AUTS2: variants seen among roughly 807,000 people sequenced by gnomAD.
AUTS2 encodes the protein activator of transcription and developmental regulator AUTS2, also known as autism susceptibility gene 2 protein.
A neutral mutation model predicts 112.4 loss-of-function variants in AUTS2; 17 were observed. The observed-to-expected ratio is 0.15, with a 90% confidence interval of 0.10 to 0.23. The LOEUF (loss-of-function observed/expected upper bound fraction) is 0.23. Among genes scored for constraint, AUTS2 ranks in the 10% least tolerant of loss-of-function variants. The probability of loss-of-function intolerance (pLI) is 1.00; values close to 1 mark genes in which losing one functional copy is unlikely to be tolerated. For synonymous variants in AUTS2, 751 were observed against 702.7 expected, an observed-to-expected ratio of 1.07 and a Z score of -1.09; for missense variants, 1,510 against 1,701.6, an observed-to-expected ratio of 0.89 and a Z score of 1.98.
At position 70,090,005 on chromosome 7, in the gene AUTS2, A is replaced by AAAAT. The variant is rs1417280621; in HGVS notation, c.523-28124_523-28123insTAAA. Among the ~76,000 whole-genome samples the AAAAT allele has an allele frequency of 1.3e-3, 161 of 120,300 alleles. 1 individual carries two copies. Among genetic ancestry groups the AAAAT allele is most frequent in the African/African-American group, 5.1e-3 (152 of 30,058 alleles). 78.9% of individuals were successfully genotyped at this position (120,300 alleles called of 152,430 possible). ...CTGGGAAAGACAGAGAGACTGTTTC[A>AAAAT]AAACAAATAAATAAATAAATAAATA... On this transcript the variant is annotated intron_variant, in intron 2 of 18. Coordinates refer to ENST00000342771, the MANE Select transcript of AUTS2 (RefSeq NM_015570.4).
chr7:69,895,959 A>G (rs893964769), intron 1 of AUTS2, among the ~76,000 whole-genome samples: 1 of 152,204 alleles, frequency 6.6e-6, no homozygotes, highest in African/African-American at 2.4e-5. Context: ...TGTGACAAAG[A>G]AAGGAGCTTT....
At chr7:70,735,388 T>A (rs569199955) in intron 6 of AUTS2, among the ~76,000 whole-genome samples, 1 of 152,320 alleles carries the variant, frequency 6.6e-6, no homozygotes, top group South Asian at 2.1e-4. Context: ...CAACAGTCAT[T>A]CAGGAGCACG....
chr7:69,786,155 A>G (rs555852588), intron 1 of AUTS2, among the ~76,000 whole-genome samples: 17 of 152,344 alleles, frequency 1.1e-4, no homozygotes, highest in African/African-American at 3.6e-4. Context: ...AAATGCACCA[A>G]TCAGTGCTCT....
At chr7:69,719,163 TTTGTAGAACCTATTGGTTC>T (rs889578316) in intron 1 of AUTS2, among the ~76,000 whole-genome samples, 1 of 152,200 alleles carries the variant, frequency 6.6e-6, no homozygotes, top group African/African-American at 2.4e-5. Context: ...TCTTTGTGGG[TTTGTAGAACCTATTGGTTC>T]TTGTTTTACT....
intron 5 of AUTS2, among the ~76,000 whole-genome samples, chr7:70,599,281 C>A (rs565355670): frequency 6.6e-6 from 1 of 152,222 alleles, no homozygotes; most frequent in South Asian, 2.1e-4. Flanking sequence ...TGAACACACT[C>A]ACCTGTAACC....
intron 1 of AUTS2, among the ~76,000 whole-genome samples, chr7:69,776,087 C>T (rs958000163): frequency 6.6e-6 from 1 of 152,126 alleles, no homozygotes; most frequent in Non-Finnish European, 1.5e-5. Flanking sequence ...GTTGTTTTTG[C>T]ATGTGTCGTG....
chr7:70,374,638 T>A (rs1793001725), intron 4 of AUTS2, among the ~76,000 whole-genome samples: 1 of 152,180 alleles, frequency 6.6e-6, no homozygotes, highest in Non-Finnish European at 1.5e-5. Flanking sequence ...TCAAGATGAG[T>A]AACCTTTCAA....
chr7:70,736,521 T>A (rs914118177), intron 6 of AUTS2, among the ~76,000 whole-genome samples: 1 of 152,210 alleles, frequency 6.6e-6, no homozygotes, highest in African/African-American at 2.4e-5. Context: ...AGAAATGTAT[T>A]TATAATATGC....
At chr7:70,661,736 G>A (rs577118281) in intron 5 of AUTS2, among the ~76,000 whole-genome samples, 3 of 152,258 alleles carry the variant, frequency 2.0e-5, no homozygotes, top group Non-Finnish European at 2.9e-5. Context: ...TGCTGGTGTA[G>A]AGCAGTTAGA....
At chr7:69,721,671 G>T (rs1798951874) in intron 1 of AUTS2, among the ~76,000 whole-genome samples, 1 of 152,198 alleles carries the variant, frequency 6.6e-6, no homozygotes, top group African/African-American at 2.4e-5. Flanking sequence ...AAGTATAACA[G>T]CCTGAGCACA....
chr7:70,739,003 CTTTTTTTTTTTTTTTT>C (rs57525224), intron 6 of AUTS2, among the ~76,000 whole-genome samples: 1 of 57,298 alleles, frequency 1.7e-5, no homozygotes, highest in Non-Finnish European at 3.2e-5. Context: ...GTTTTGAGGC[CTTTTTTTTTTTTTTTT>C]TTTTTTTTTT....
chr7:70,679,548 T>C (rs1043102116), intron 5 of AUTS2, among the ~76,000 whole-genome samples: 2 of 152,052 alleles, frequency 1.3e-5, no homozygotes, highest in African/African-American at 4.8e-5. Context: ...ATCTGACCTA[T>C]TGAGGCCACA....
chr7:69,870,448 AAT>A lies in AUTS2; in HGVS notation c.310-28821_310-28820del, dbSNP rs11467258. Among the ~76,000 whole-genome samples, 111 of 78,968 alleles carry A rather than the reference AAT, an allele frequency of 1.4e-3. 5 individuals carry two copies. Among genetic ancestry groups the A allele is most frequent in the East Asian group, 5.3e-3 (13 of 2,430 alleles). The allele number at this position is 78,968 out of a possible 152,430, so 51.8% of individuals were successfully genotyped here. ...TACATATCTGTGCGTATGTGTGTGT[AAT>A]ATATATATATATATATGTATTCACG... On this transcript the variant is annotated intron_variant, in intron 1 of 18. Transcript: ENST00000342771.
chr7:70,712,537 C>A (rs1810117350), intron 6 of AUTS2, among the ~76,000 whole-genome samples: 1 of 152,176 alleles, frequency 6.6e-6, no homozygotes, highest in Non-Finnish European at 1.5e-5. Context: ...TCTGCATCCT[C>A]TGAGTGGTTG....
intron 2 of AUTS2, among the ~76,000 whole-genome samples, chr7:69,984,193 G>C (rs999895888): frequency 6.6e-6 from 1 of 151,986 alleles, no homozygotes; most frequent in African/African-American, 2.4e-5. Context: ...CAAGGCGGGC[G>C]GATCACGAGG....
intron 5 of AUTS2, among the ~76,000 whole-genome samples, chr7:70,449,650 A>G (rs1796450756): frequency 1.3e-5 from 2 of 152,208 alleles, no homozygotes; most frequent in Non-Finnish European, 2.9e-5. Context: ...TCCAAAGTTG[A>G]CACTTTATAG....
intron 5 of AUTS2, among the ~76,000 whole-genome samples, chr7:70,520,518 C>T (rs1355016582): frequency 6.6e-6 from 1 of 152,190 alleles, no homozygotes; most frequent in Admixed American, 6.5e-5. Flanking sequence ...CCAGGTCCCA[C>T]CTTTAGATAT....
intron 5 of AUTS2, among the ~76,000 whole-genome samples, chr7:70,475,383 G>A (rs1044417501): frequency 6.6e-6 from 1 of 152,076 alleles, no homozygotes; most frequent in African/African-American, 2.4e-5. Flanking sequence ...TTACATCAGG[G>A]CCTTTTCCAC....
At chr7:70,103,918 A>T (rs1261721415) in intron 2 of AUTS2, among the ~76,000 whole-genome samples, 7 of 151,940 alleles carry the variant, frequency 4.6e-5, no homozygotes, top group East Asian at 1.9e-4. Flanking sequence ...TCAAAAAAAA[A>T]AAATAAATGA....
Sources: gnomAD v4.1 joint callset for allele counts (sites outside exome capture counted in the v4.1 genomes callset) on GRCh38, gnomAD v4.1.1 for gene constraint, MANE v1.5 for transcripts, NCBI Gene and HGNC (gene_info 2026-07-23, HGNC 2026-07-21) for gene names.